Variants in TBKBP1 observed in about 807,000 individuals in gnomAD.
TBKBP1 encodes TANK-binding kinase 1-binding protein 1.
A neutral mutation model predicts 69.9 loss-of-function variants in TBKBP1; 47 were observed. The ratio of observed to expected loss-of-function variants is 0.67; its 90% CI spans 0.53 to 0.86. The LOEUF (loss-of-function observed/expected upper bound fraction) is 0.86, where lower values mean the gene tolerates loss of function less well. Among genes scored for constraint, TBKBP1 ranks in the 40% least tolerant of loss-of-function variants. TBKBP1 has a pLI of 0.00. For missense variants in TBKBP1, 831 were observed against 858.6 expected, an observed-to-expected ratio of 0.97 and a Z score of 0.40; for synonymous variants, 418 against 390.3, an observed-to-expected ratio of 1.07 and a Z score of -0.84.
chr17:47,709,618 C>T (rs1393388226), intron 9 of TBKBP1, among the ~76,000 whole-genome samples, 166 bp downstream of exon 9: 1 of 152,274 alleles, frequency 6.6e-6, no homozygotes, highest in South Asian at 2.1e-4. Context: ...CCTCCCTTTC[C>T]CGTGGTCTTC....
rs528967590 is a variant in TBKBP1, at chr17:47,710,729, G to A, written c.*103G>A. The A allele has an allele frequency of 1.0e-5, 15 of 1,468,746 alleles. No homozygotes were observed. The highest frequency in any genetic ancestry group is 1.8e-4 in the Middle Eastern group (1 of 5,578). 91.0% of individuals were successfully genotyped at this position (1,468,746 alleles called of 1,614,324 possible). ...TCTCGTGGGGGGTCCCTGCCCTTGC[G>A]ACCCCCAGATACCTCCACTTGCTAC... On this transcript the variant is annotated 3_prime_UTR_variant, in exon 10 of 10. Coordinates refer to ENST00000578982, the MANE Select transcript of TBKBP1 (RefSeq NM_001394755.1).
At chr17:47,701,720 G>A (rs987513112) in intron 7 of TBKBP1, among the ~76,000 whole-genome samples, 5 of 152,242 alleles carry the variant, frequency 3.3e-5, no homozygotes, top group Admixed American at 2.6e-4. Context: ...AGGTTGTATT[G>A]TGTGAGTGAA....
chr17:47,699,285 C>T, intron 5 of TBKBP1, 35 bp from the exon 6 acceptor site: 1 of 1,478,856 alleles, frequency 6.8e-7, no homozygotes, highest in Non-Finnish European at 8.9e-7. Flanking sequence ...GAGGAGGCAG[C>T]TGAGCTCGCC....
rs947781517 is a variant in TBKBP1, at chr17:47,709,428, C to T, written c.1695C>T (p.His565=). 11 of 1,540,802 alleles carry T rather than the reference C, an allele frequency of 7.1e-6. No individual in the cohort carries two copies. The highest frequency in any genetic ancestry group is 9.5e-6 in the Non-Finnish European group (11 of 1,151,960). The change falls in exon 9 of 10, where the codon CAC becomes CAT. Residue 565 remains histidine (H), a synonymous_variant. Transcript: ENST00000578982. ...PAATAYAHAE[H]AQSWPSINLL... is the part of the protein sequence containing the mutation. ...CCACCGCCTACGCCCACGCCGAGCA[C>T]GCGCAGTCCTGGCCGTCCATCAACG...
Position 47,708,621 on chromosome 17 carries a change from C to A in TBKBP1, c.992-104C>A. 1 of 1,439,616 alleles carries A rather than the reference C, an allele frequency of 6.9e-7. No individual in the cohort carries two copies. Among genetic ancestry groups the A allele is most frequent in the South Asian group, 1.3e-5 (1 of 77,146 alleles). 89.2% of individuals were successfully genotyped at this position (1,439,616 alleles called of 1,614,324 possible). On this transcript the variant is annotated intron_variant, in intron 8 of 9. Transcript: ENST00000578982. This position sits in a 1 kb window ranked among gnomAD's most constrained non-coding sequence, Gnocchi z 4.4. ...CCACCCTTTATTTCCTTTCCTGTGG[C>A]CTGGAGTTGGTGGGCATGGGTCCGG...
In TBKBP1 at chr17:47,696,200, C is replaced by A; in HGVS notation, c.88C>A (p.Pro30Thr). ...GGTGTGGCTGGACAGTCCCGGAGAC[C>A]CCTCGCTTGGGGGCGACATGTGCTC... The part of the protein sequence containing the change: ...SEVWLDSPGD[P>T]SLGGDMCSAS... The change falls in exon 2 of 10, where the codon CCC (proline) becomes ACC (threonine). Residue 30 changes from proline to threonine, a missense_variant. By Grantham distance (38) the Pro-to-Thr change is conservative. Coordinates refer to ENST00000578982, the MANE Select transcript of TBKBP1 (RefSeq NM_001394755.1). 1.2e-6 allele frequency: 2 copies of A among 1,613,738 alleles called. No homozygotes were observed. Among genetic ancestry groups the A allele is most frequent in the South Asian group, 1.1e-5 (1 of 91,080 alleles).
chr17:47,695,226 C>T (rs1374093214), intron 1 of TBKBP1: 15 of 153,012 alleles, frequency 9.8e-5, no homozygotes, highest in Admixed American at 9.2e-4. Context: ...ACACTCCCCC[C>T]ATACGCCAAC....
At chr17:47,700,836 G>C (rs1489467657) in intron 7 of TBKBP1, among the ~76,000 whole-genome samples, 1 of 152,134 alleles carries the variant, frequency 6.6e-6, no homozygotes, top group East Asian at 1.9e-4. Flanking sequence ...CTCCAGGGGG[G>C]CACTGGACAG....
chr17:47,704,251 G>T (rs2143319287), intron 7 of TBKBP1, among the ~76,000 whole-genome samples: 1 of 152,364 alleles, frequency 6.6e-6, no homozygotes, highest in Non-Finnish European at 1.5e-5. Flanking sequence ...GGGCTGCCAT[G>T]AAGAGCCAGG....
Position 47,696,349 on chromosome 17 carries a change from G to C in TBKBP1, c.225+12G>C, listed in dbSNP as rs765310150. On this transcript the variant is annotated intron_variant, in intron 2 of 9. Coordinates refer to ENST00000578982, the MANE Select transcript of TBKBP1 (RefSeq NM_001394755.1). The stretch of plus-strand genomic sequence containing the variant: ...TCTACGAGATCAAGGTCAGAACTTG[G>C]AGAGGAGGGCGCCTGATAGAGTGTA... The C allele has an allele frequency of 3.1e-6, 5 of 1,611,276 alleles. No individual in the cohort carries two copies. The African/African-American group carries it at 5.3e-5, about 17-fold the overall frequency.
chr17:47,707,470 T>A (rs1237111615), intron 7 of TBKBP1, among the ~76,000 whole-genome samples: 1 of 152,186 alleles, frequency 6.6e-6, no homozygotes, highest in Non-Finnish European at 1.5e-5. Context: ...AAATGCATTA[T>A]CCACTTACTG....
At chr17:47,709,587 G>GC in intron 9 of TBKBP1, 135 bp downstream of exon 9, 1 of 1,303,252 alleles carries the variant, frequency 7.7e-7, no homozygotes, top group Non-Finnish European at 9.9e-7. Flanking sequence ...TGGACCCCGG[G>GC]CCACAGTCTA....
At chr17:47,712,056 G>T (rs938226888), downstream of TBKBP1, 3 of 152,428 alleles carry the variant, frequency 2.0e-5, no homozygotes, top group Admixed American at 6.5e-5. Flanking sequence ...TGTTCCATCT[G>T]TGCTCAATCT....
intron 4 of TBKBP1, 131 bp downstream of exon 4, chr17:47,697,324 T>C (rs2031289357): frequency 1.3e-6 from 1 of 778,792 alleles, no homozygotes; most frequent in Non-Finnish European, 2.1e-6. Flanking sequence ...ATCACTTGTT[T>C]GTGCCCTGCT....
intron 7 of TBKBP1, among the ~76,000 whole-genome samples, chr17:47,702,509 C>T (rs1439613029): frequency 6.6e-6 from 1 of 152,028 alleles, no homozygotes; most frequent in Non-Finnish European, 1.5e-5. Context: ...ACCGCCCCCA[C>T]CCCCATCTCT....
chr17:47,711,681 G>GGAGGCCAGGGGGTCCCCAGGGCT lies in TBKBP1; in HGVS notation c.*1060_*1082dup, dbSNP rs1290512742. ...GTACCCTCAGAAGGACGGGTAAGCAGGAGGCCAGGGGGTCCCCAGGGCTGA... is the reference window on the plus strand; with the variant it reads ...GTACCCTCAGAAGGACGGGTAAGCAGGAGGCCAGGGGGTCCCCAGGGCTGAGGCCAGGGGGTCCCCAGGGCTGA... On this transcript the variant is annotated 3_prime_UTR_variant, in exon 10 of 10. Coordinates refer to ENST00000578982, the MANE Select transcript of TBKBP1 (RefSeq NM_001394755.1). 2 of 152,688 alleles carry GGAGGCCAGGGGGTCCCCAGGGCT rather than the reference G, an allele frequency of 1.3e-5. No individual in the cohort carries two copies. The highest frequency in any genetic ancestry group is 4.8e-5 in the African/African-American group (2 of 41,456). The allele number at this position is 152,688 out of a possible 1,614,324, so 9.5% of individuals were successfully genotyped here. A position where few individuals can be genotyped will look rare whatever the true frequency, so the allele number is the denominator to read the frequency against.
At chr17:47,702,018 G>A (rs141229858) in intron 7 of TBKBP1, among the ~76,000 whole-genome samples, 18 of 152,352 alleles carry the variant, frequency 1.2e-4, no homozygotes, top group Middle Eastern at 3.4e-3. Context: ...CAGGCCGAGC[G>A]AGCATCTCTG....
At chr17:47,697,799 G>T (rs1442067884) in intron 4 of TBKBP1, among the ~76,000 whole-genome samples, 1 of 151,660 alleles carries the variant, frequency 6.6e-6, no homozygotes, top group Non-Finnish European at 1.5e-5. Flanking sequence ...CAAAAAAGAA[G>T]TTAGCCAGGT....
chr17:47,699,157 T>C (rs1156562635), intron 5 of TBKBP1, among the ~76,000 whole-genome samples, 163 bp from the exon 6 acceptor site: 2 of 152,184 alleles, frequency 1.3e-5, no homozygotes, highest in African/African-American at 4.8e-5. Context: ...GAAATGCGGC[T>C]CAGCCCATCT....
Sources: allele counts gnomAD v4.1 joint callset (sites outside exome capture counted in the v4.1 genomes callset), GRCh38; gene constraint gnomAD v4.1.1; non-coding constraint Gnocchi (gnomAD v3.1); transcripts MANE v1.5; gene names NCBI Gene and HGNC (gene_info 2026-07-23, HGNC 2026-07-21).